The following GRIP1 variants were observed in gnomAD, a reference collection of about 807,000 sequenced individuals.
GRIP1 encodes the protein glutamate receptor interacting protein 1, also known as glutamate receptor-interacting protein 1.
GRIP1 carries 45 observed loss-of-function variants against 129.9 expected under a neutral mutation model. The observed-to-expected ratio is 0.35, with a 90% confidence interval of 0.27 to 0.44. GRIP1 has a LOEUF of 0.44. Ranked by LOEUF, GRIP1 falls within the 20% of genes least tolerant of loss-of-function variation. GRIP1 has a pLI of 1.00. For missense variants in GRIP1, 1,196 were observed against 1,396.8 expected, an observed-to-expected ratio of 0.86 and a Z score of 2.29; for synonymous variants, 530 against 520.8, an observed-to-expected ratio of 1.02 and a Z score of -0.24.
chr12:66,731,581 C>A (rs1292180477), intron 1 of GRIP1, among the ~76,000 whole-genome samples: 1 of 152,118 alleles, frequency 6.6e-6, no homozygotes, highest in Non-Finnish European at 1.5e-5. Context: ...CTACTTGTTA[C>A]CTGAAAATCT....
intron 4 of GRIP1, among the ~76,000 whole-genome samples, chr12:66,531,252 A>AAAAT (rs1565833708): frequency 4.1e-4 from 8 of 19,464 alleles, no homozygotes; most frequent in East Asian, 1.8e-3. Context: ...AAAAAAAAAA[A>AAAAT]ATATATATAT....
chr12:66,401,071 G>A (rs938599866), intron 16 of GRIP1, among the ~76,000 whole-genome samples: 4 of 152,158 alleles, frequency 2.6e-5, no homozygotes, highest in African/African-American at 7.2e-5. Context: ...AATGGAAGAC[G>A]ACAAATGCAG....
chr12:66,641,785 GCC>G (rs2031949180), intron 1 of GRIP1, among the ~76,000 whole-genome samples: 1 of 152,184 alleles, frequency 6.6e-6, no homozygotes, highest in African/African-American at 2.4e-5. Context: ...CCTTGGCCAT[GCC>G]TTATAAGGAT....
intron 7 of GRIP1, among the ~76,000 whole-genome samples, chr12:66,493,004 T>TC (rs2060144573): frequency 1.7e-5 from 1 of 59,858 alleles, no homozygotes; most frequent in African/African-American, 7.4e-5. Flanking sequence ...AGACTCTGTC[T>TC]CAAAACAAAC....
At chr12:66,492,442 A>T (rs895094940) in intron 7 of GRIP1, among the ~76,000 whole-genome samples, 5 of 152,106 alleles carry the variant, frequency 3.3e-5, no homozygotes, top group African/African-American at 1.2e-4. Flanking sequence ...ATTATGTATG[A>T]AAATAACCAA....
chr12:66,876,805 G>A (rs1481257275), intron 1 of GRIP1, among the ~76,000 whole-genome samples: 3 of 151,940 alleles, frequency 2.0e-5, no homozygotes, highest in Non-Finnish European at 4.4e-5. Flanking sequence ...CAGTCACAGA[G>A]GTGGAAATGA....
At chr12:66,415,382 G>A (rs1161975588) in intron 15 of GRIP1, among the ~76,000 whole-genome samples, 1 of 152,166 alleles carries the variant, frequency 6.6e-6, no homozygotes, top group Admixed American at 6.6e-5. Flanking sequence ...ATCATCTGAT[G>A]CCAGTCAGGA....
intron 20 of GRIP1, among the ~76,000 whole-genome samples, chr12:66,378,985 A>G (rs547847333): frequency 1.4e-4 from 21 of 152,076 alleles, no homozygotes; most frequent in African/African-American, 5.1e-4. Context: ...AAAATAAAGG[A>G]GGGGGACCTA....
intron 1 of GRIP1, among the ~76,000 whole-genome samples, chr12:66,709,517 T>C (rs567363827): frequency 5.3e-5 from 8 of 152,024 alleles, no homozygotes; most frequent in African/African-American, 1.9e-4. Flanking sequence ...AGTGTGAATA[T>C]TTTTTCTGTT....
chr12:66,843,315 G>A (rs988781000), intron 1 of GRIP1, among the ~76,000 whole-genome samples: 2 of 151,938 alleles, frequency 1.3e-5, no homozygotes, highest in African/African-American at 2.4e-5. Flanking sequence ...AAATGACAAG[G>A]TATCTCATAT....
chr12:66,687,762 C>A (rs1419822731), intron 1 of GRIP1, among the ~76,000 whole-genome samples: 1 of 152,162 alleles, frequency 6.6e-6, no homozygotes, highest in Non-Finnish European at 1.5e-5. Context: ...ACTCTCGGTC[C>A]ATGTGGTGTG....
At chr12:66,382,006 G>A (rs960591281) in intron 19 of GRIP1, among the ~76,000 whole-genome samples, 1 of 152,180 alleles carries the variant, frequency 6.6e-6, no homozygotes, top group Non-Finnish European at 1.5e-5. Context: ...CAGGCAGATC[G>A]CTTGAGCTTA....
At chr12:67,012,148 A>G (rs889049543) in intron 1 of GRIP1, among the ~76,000 whole-genome samples, 1 of 152,196 alleles carries the variant, frequency 6.6e-6, no homozygotes, top group Admixed American at 6.6e-5. Context: ...AATTTGTTCC[A>G]TATATCTCTG....
intron 1 of GRIP1, among the ~76,000 whole-genome samples, chr12:66,936,513 C>T (rs1425652526): frequency 6.6e-6 from 1 of 150,424 alleles, no homozygotes; most frequent in Non-Finnish European, 1.5e-5. Context: ...TATGTCTCTT[C>T]ATTTTATTGG....
chr12:67,010,452 AAC>A (rs2042688799), intron 1 of GRIP1, among the ~76,000 whole-genome samples: 1 of 152,186 alleles, frequency 6.6e-6, no homozygotes, highest in Admixed American at 6.6e-5. Flanking sequence ...ATGGCAAGAA[AAC>A]ACACTAGTCC....
chr12:66,525,246 A>C (rs1055732696), intron 5 of GRIP1, among the ~76,000 whole-genome samples: 8 of 152,330 alleles, frequency 5.3e-5, no homozygotes, highest in African/African-American at 1.9e-4. Flanking sequence ...ATTTTAGACC[A>C]ATATGCTTGA....
At chr12:66,835,529 A>G (rs1458268961) in intron 1 of GRIP1, among the ~76,000 whole-genome samples, 1 of 152,230 alleles carries the variant, frequency 6.6e-6, no homozygotes, top group Non-Finnish European at 1.5e-5. Context: ...TGACGGGATA[A>G]ATAAACTGTC....
chr12:66,948,464 A>G (rs2041705067), intron 1 of GRIP1, among the ~76,000 whole-genome samples: 1 of 152,226 alleles, frequency 6.6e-6, no homozygotes, highest in Non-Finnish European at 1.5e-5. Context: ...GTGTTATACA[A>G]AAAGATACTC....
At chr12:66,488,311 T>G (rs1030844784) in intron 7 of GRIP1, among the ~76,000 whole-genome samples, 2 of 152,152 alleles carry the variant, frequency 1.3e-5, no homozygotes, top group Non-Finnish European at 2.9e-5. Flanking sequence ...AGAACTCATA[T>G]TAAGATATTA....
Sources: gnomAD v4.1 joint callset for allele counts (sites outside exome capture counted in the v4.1 genomes callset) on GRCh38, gnomAD v4.1.1 for gene constraint, MANE v1.5 for transcripts, NCBI Gene and HGNC (gene_info 2026-07-23, HGNC 2026-07-21) for gene names.